Variants in DGKB observed in about 807,000 individuals in gnomAD.
DGKB encodes the protein diacylglycerol kinase beta.
Under a neutral mutation model 114.3 loss-of-function variants are expected in DGKB, and 67 were observed. That is an observed-to-expected ratio of 0.59 (90% CI 0.48 to 0.72). The LOEUF (loss-of-function observed/expected upper bound fraction) is 0.72, where lower values mean the gene tolerates loss of function less well. Ranked by LOEUF, DGKB falls within the 30% of genes least tolerant of loss-of-function variation. DGKB has a pLI of 0.00. For missense variants in DGKB, 907 were observed against 975.2 expected, an observed-to-expected ratio of 0.93 and a Z score of 0.93; for synonymous variants, 398 against 323.1, an observed-to-expected ratio of 1.23 and a Z score of -2.49.
intron 6 of DGKB, among the ~76,000 whole-genome samples, chr7:14,715,668 A>G (rs970037481): frequency 1.3e-5 from 2 of 152,156 alleles, no homozygotes. Context: ...AGCTGAAGAC[A>G]TGGCTTATAT....
chr7:14,547,634 A>G (rs1794494031), intron 20 of DGKB, among the ~76,000 whole-genome samples: 1 of 152,126 alleles, frequency 6.6e-6, no homozygotes, highest in Non-Finnish European at 1.5e-5. Flanking sequence ...CTCATTTATC[A>G]TTGTCACTTG....
intron 17 of DGKB, among the ~76,000 whole-genome samples, chr7:14,594,070 C>A (rs1046907827): frequency 1.3e-5 from 2 of 152,148 alleles, no homozygotes; most frequent in East Asian, 3.9e-4. Context: ...TTACCCAATT[C>A]TAGAATTGCA....
intron 2 of DGKB, among the ~76,000 whole-genome samples, chr7:14,793,089 GT>G (rs1214066655): frequency 6.6e-6 from 1 of 152,052 alleles, no homozygotes; most frequent in Non-Finnish European, 1.5e-5. Context: ...ATATGCGTAT[GT>G]AATACACATT....
chr7:14,772,679 G>T (rs1837593751), intron 2 of DGKB, among the ~76,000 whole-genome samples: 1 of 152,112 alleles, frequency 6.6e-6, no homozygotes, highest in Non-Finnish European at 1.5e-5. Context: ...CCAAGAAAGT[G>T]AATGGAAAGA....
chr7:14,221,970 C>A (rs1187701470), intron 23 of DGKB, among the ~76,000 whole-genome samples: 1 of 150,956 alleles, frequency 6.6e-6, no homozygotes, highest in Non-Finnish European at 1.5e-5. Context: ...TTGTTATAGT[C>A]TTTTCTTTTT....
At chr7:14,670,176 CCATCTCCTCA>C (rs1387928928) in intron 13 of DGKB, among the ~76,000 whole-genome samples, 2 of 151,788 alleles carry the variant, frequency 1.3e-5, no homozygotes, top group Non-Finnish European at 2.9e-5. Context: ...ATTAACATAA[CCATCTCCTCA>C]CATCTCCTCA....
chr7:14,695,149 G>C (rs368498279), intron 8 of DGKB, among the ~76,000 whole-genome samples: 9 of 152,164 alleles, frequency 5.9e-5, no homozygotes, highest in African/African-American at 1.7e-4. Flanking sequence ...AGACACTCTT[G>C]TGCTTGGTGT....
intron 1 of DGKB, among the ~76,000 whole-genome samples, chr7:14,898,569 C>T (rs552984050): frequency 2.6e-4 from 40 of 152,152 alleles, no homozygotes; most frequent in African/African-American, 8.9e-4. Flanking sequence ...AAGTTACTAT[C>T]ATTATTTTTA....
intron 20 of DGKB, among the ~76,000 whole-genome samples, chr7:14,519,911 T>C (rs531231761): frequency 6.6e-6 from 1 of 152,140 alleles, no homozygotes; most frequent in African/African-American, 2.4e-5. Context: ...TTTCTCATTA[T>C]TATTATTGGA....
intron 21 of DGKB, among the ~76,000 whole-genome samples, chr7:14,378,354 C>A (rs1326313677): frequency 6.6e-6 from 1 of 152,054 alleles, no homozygotes; most frequent in Admixed American, 6.6e-5. Context: ...ATATTAATTT[C>A]TTGGTTTTGA....
intron 23 of DGKB, among the ~76,000 whole-genome samples, chr7:14,271,071 A>G (rs1202512742): frequency 6.6e-6 from 1 of 152,242 alleles, no homozygotes; most frequent in Non-Finnish European, 1.5e-5. Context: ...TTCTACAGAA[A>G]TACAAGCTGT....
intron 19 of DGKB, among the ~76,000 whole-genome samples, chr7:14,574,894 ATTCTGTCTACTCAGGGTGTCCCTT>A (rs1798898219): frequency 6.6e-6 from 1 of 152,156 alleles, no homozygotes; most frequent in South Asian, 2.1e-4. Context: ...TTCGTTTCTT[ATTCTGTCTACTCAGGGTGTCCCTT>A]TTCTTTTTGG....
rs1274667545 is a variant in DGKB, at chr7:14,794,211, G to A, written c.71-36480C>T. ...GAACCAAGAGTGGTTCTAGAGGAACGTAATTTTAAAGATAAGTTTTCAAAA... is the reference window on the plus strand; with the variant it reads ...GAACCAAGAGTGGTTCTAGAGGAACATAATTTTAAAGATAAGTTTTCAAAA... On this transcript the variant is annotated intron_variant, in intron 2 of 25. Transcript: ENST00000402815. Among the ~76,000 whole-genome samples, 4 of 152,104 alleles carry A rather than the reference G, an allele frequency of 2.6e-5. No homozygotes were observed. The East Asian group carries it at 7.7e-4, about 29-fold the overall frequency.
At chr7:14,913,996 C>T (rs1784117112) in intron 1 of DGKB, among the ~76,000 whole-genome samples, 1 of 152,058 alleles carries the variant, frequency 6.6e-6, no homozygotes, top group African/African-American at 2.4e-5. Context: ...TTAAATGTAG[C>T]CCTACTAGGT....
intron 1 of DGKB, among the ~76,000 whole-genome samples, chr7:14,886,611 A>T (rs1306806721): frequency 6.6e-6 from 1 of 151,808 alleles, no homozygotes; most frequent in South Asian, 2.1e-4. Flanking sequence ...TCACTTCATA[A>T]ATATCACTAC....
At chr7:14,656,224 T>C (rs1202155502) in intron 13 of DGKB, among the ~76,000 whole-genome samples, 1 of 151,582 alleles carries the variant, frequency 6.6e-6, no homozygotes, top group African/African-American at 2.4e-5. Flanking sequence ...ATCATGTAAA[T>C]ACAATTTTTA....
In DGKB at chr7:14,418,863, T is replaced by A. The variant is rs564480319; in HGVS notation, c.1835+59298A>T. ...TGACAAAAAGGTGAGAAATTCATTA[T>A]CACAAAACTGTCACACAGAAGGCAT... On this transcript the variant is annotated intron_variant, in intron 21 of 25. Coordinates refer to ENST00000402815, the MANE Select transcript of DGKB (RefSeq NM_001350709.2). Among the ~76,000 whole-genome samples the A allele has an allele frequency of 4.1e-3, 616 of 152,062 alleles. 3 individuals carry two copies. Among genetic ancestry groups the A allele is most frequent in the Non-Finnish European group, 4.2e-3 (285 of 67,882 alleles).
intron 21 of DGKB, among the ~76,000 whole-genome samples, chr7:14,411,876 T>G (rs1583735451): frequency 6.6e-6 from 1 of 152,220 alleles, no homozygotes; most frequent in East Asian, 1.9e-4. Flanking sequence ...TTTAATACAT[T>G]ATGTCATATT....
intron 21 of DGKB, among the ~76,000 whole-genome samples, chr7:14,392,983 T>TTTTTCG (rs1821559966): frequency 1.1e-5 from 1 of 88,846 alleles, no homozygotes; most frequent in Admixed American, 1.4e-4. Context: ...AACAGACCTG[T>TTTTTCG]TTTTTGTTTT....
Sources: allele counts gnomAD v4.1 joint callset (sites outside exome capture counted in the v4.1 genomes callset), GRCh38; gene constraint gnomAD v4.1.1; transcripts MANE v1.5; gene names NCBI Gene and HGNC (gene_info 2026-07-23, HGNC 2026-07-21).